The following SV2C variants were observed in gnomAD, a reference collection of about 807,000 sequenced individuals.
SV2C encodes synaptic vesicle glycoprotein 2C.
In SV2C, 49 loss-of-function variants were observed where a neutral mutation model predicts 79.7. That is an observed-to-expected ratio of 0.61 (90% CI 0.49 to 0.78). The LOEUF is 0.78. Among genes scored for constraint, SV2C ranks in the 30% least tolerant of loss-of-function variants. The pLI, the probability that SV2C is intolerant of heterozygous loss-of-function variation, is 0.00. For missense variants in SV2C, 833 were observed against 912.9 expected, an observed-to-expected ratio of 0.91 and a Z score of 1.13; for synonymous variants, 334 against 333.2, an observed-to-expected ratio of 1.00 and a Z score of -0.03.
the SV2C span, among the ~76,000 whole-genome samples, chr5:75,902,250 T>G: frequency 6.6e-6 from 1 of 152,206 alleles, no homozygotes; most frequent in East Asian, 1.9e-4. Flanking sequence ...CCTGGATAGT[T>G]CTTAACCACT....
At chr5:76,294,652 G>A (rs944294326) in intron 8 of SV2C, among the ~76,000 whole-genome samples, 6 of 151,718 alleles carry the variant, frequency 4.0e-5, no homozygotes, top group East Asian at 1.9e-4. Context: ...CTTTTTTTCC[G>A]TAAGTCTTCA....
intron 2 of SV2C, among the ~76,000 whole-genome samples, chr5:76,134,194 G>T (rs1748992944): frequency 6.6e-6 from 1 of 152,112 alleles, no homozygotes; most frequent in Non-Finnish European, 1.5e-5. Context: ...ATTCTCATCT[G>T]CCCATAAATG....
chr5:76,291,356 C>T (rs1747557743), intron 7 of SV2C, 25 bp downstream of exon 7: 1 of 1,541,974 alleles, frequency 6.5e-7, no homozygotes, highest in Non-Finnish European at 8.8e-7. Context: ...CCATGATGAC[C>T]TGCATGTTAA....
At chr5:76,198,859 C>T (rs992326844) in intron 3 of SV2C, among the ~76,000 whole-genome samples, 1 of 152,148 alleles carries the variant, frequency 6.6e-6, no homozygotes, top group Non-Finnish European at 1.5e-5. Flanking sequence ...CTCACTGGAA[C>T]CATGCAAGGA....
chr5:76,013,283 GA>G, the SV2C span, among the ~76,000 whole-genome samples: 2 of 152,042 alleles, frequency 1.3e-5, no homozygotes, highest in Non-Finnish European at 2.9e-5. Context: ...TTATTTCTTT[GA>G]GCGGTGGTTT....
At chr5:76,108,578 G>GGAGA (rs386404148) in intron 1 of SV2C, among the ~76,000 whole-genome samples, 15 of 151,884 alleles carry the variant, frequency 9.9e-5, no homozygotes, top group African/African-American at 3.6e-4. Flanking sequence ...ATATTAGAGG[G>GGAGA]GAGAATACCT....
chr5:76,142,030 G>A (rs1279498159), intron 2 of SV2C, among the ~76,000 whole-genome samples: 2 of 152,070 alleles, frequency 1.3e-5, no homozygotes, highest in African/African-American at 4.8e-5. Flanking sequence ...ACAAGAGCAA[G>A]GGCCTTTAAA....
intron 12 of SV2C, among the ~76,000 whole-genome samples, chr5:76,342,804 ACACT>A (rs1301858116): frequency 1.3e-5 from 2 of 152,210 alleles, no homozygotes; most frequent in East Asian, 1.9e-4. Flanking sequence ...CTTAAAACAC[ACACT>A]CAGTCTTTTA....
the SV2C span, among the ~76,000 whole-genome samples, chr5:75,931,754 G>C: frequency 2.6e-5 from 4 of 152,128 alleles, no homozygotes; most frequent in African/African-American, 9.7e-5. Context: ...AATATTGATT[G>C]GGTTCTTTTG....
chr5:76,018,484 T>G, the SV2C span, among the ~76,000 whole-genome samples: 2 of 152,144 alleles, frequency 1.3e-5, no homozygotes, highest in African/African-American at 4.8e-5. Flanking sequence ...CATCAGCATA[T>G]TTTTGAAAAG....
At chr5:76,137,331 G>C (rs1749100764) in intron 2 of SV2C, among the ~76,000 whole-genome samples, 1 of 152,232 alleles carries the variant, frequency 6.6e-6, no homozygotes. Flanking sequence ...AGAGGTGTCA[G>C]AATCGGAAGC....
chr5:76,036,999 C>G, the SV2C span, among the ~76,000 whole-genome samples: 1 of 152,290 alleles, frequency 6.6e-6, no homozygotes, highest in East Asian at 1.9e-4. Context: ...TTCATTTCAT[C>G]TTCCATCACT....
intron 3 of SV2C, among the ~76,000 whole-genome samples, chr5:76,208,003 T>C (rs1018670257): frequency 2.6e-5 from 4 of 152,228 alleles, no homozygotes; most frequent in Admixed American, 6.5e-5. Context: ...GGTTTGGTTA[T>C]GGACTTGGAC....
chr5:76,154,466 T>A (rs1449699663), intron 2 of SV2C, among the ~76,000 whole-genome samples: 2 of 152,196 alleles, frequency 1.3e-5, no homozygotes, highest in Non-Finnish European at 2.9e-5. Context: ...TTTGTGCATT[T>A]ATTCAATGAG....
the SV2C span, among the ~76,000 whole-genome samples, chr5:75,967,685 G>T: frequency 1.3e-5 from 2 of 152,238 alleles, no homozygotes; most frequent in Admixed American, 6.5e-5. Flanking sequence ...AGCTCGAACT[G>T]GGTGGACCCC....
rs374624065 is a variant in SV2C, at chr5:76,089,397, A to G, written c.-102+5885A>G. ...GGCTGCATAGTATTCCATGGTGTAT[A>G]TGTACCACATTTTCTATATCCACCT... is the stretch of plus-strand genomic sequence containing the variant. On this transcript the variant is annotated intron_variant, in intron 1 of 12. Transcript: ENST00000502798. Among the ~76,000 whole-genome samples the G allele has an allele frequency of 4.9e-4, 74 of 152,300 alleles. No homozygotes were observed. In the South Asian group the frequency reaches 0.015, roughly 30 times the overall value.
At chr5:76,162,010 C>T (rs1742911124) in intron 2 of SV2C, among the ~76,000 whole-genome samples, 1 of 151,954 alleles carries the variant, frequency 6.6e-6, no homozygotes, top group South Asian at 2.1e-4. Context: ...ATTTTCATGT[C>T]ACTGATCATT....
At chr5:76,177,015 T>C (rs1274593494) in intron 2 of SV2C, among the ~76,000 whole-genome samples, 1 of 150,948 alleles carries the variant, frequency 6.6e-6, no homozygotes, top group Non-Finnish European at 1.5e-5. Context: ...CTCGGGAGGC[T>C]GAGGCAGGAG....
At chr5:76,233,898 T>A (rs186251735) in intron 4 of SV2C, among the ~76,000 whole-genome samples, 164 of 152,256 alleles carry the variant, frequency 1.1e-3, no homozygotes, top group African/African-American at 3.9e-3. Context: ...GGTCTAAAAT[T>A]CTCTTTTTTG....
Sources: allele counts gnomAD v4.1 joint callset (sites outside exome capture counted in the v4.1 genomes callset), GRCh38; gene constraint gnomAD v4.1.1; transcripts MANE v1.5; gene names NCBI Gene and HGNC (gene_info 2026-07-23, HGNC 2026-07-21).